PRH1: variants seen among roughly 807,000 people sequenced by gnomAD.
PRH1 encodes proline rich protein HaeIII subfamily 1.
PRH1 carries 7 observed loss-of-function variants against 7.9 expected under a neutral mutation model. The observed-to-expected ratio is 0.89, with a 90% CI of 0.50 to 1.67. The LOEUF is 1.67. Among genes scored for constraint, PRH1 ranks in the 40% most tolerant of loss-of-function variants. The probability of loss-of-function intolerance (pLI) is 0.00; values close to 1 mark genes in which losing one functional copy is unlikely to be tolerated. For missense variants in PRH1, 109 were observed against 223.6 expected (o/e 0.49, Z 3.27); for synonymous variants, 45 against 80.8 (o/e 0.56, Z 2.38).
upstream of PRH1, among the ~76,000 whole-genome samples, chr12:11,052,154 A>T (rs1376571839): frequency 6.6e-6 from 1 of 152,298 alleles, no homozygotes. Flanking sequence ...TAATCCAACA[A>T]GACAATATTG....
chr12:11,068,964 G>A (rs1250384841), intron 1 of PRH1, among the ~76,000 whole-genome samples: 3 of 132,740 alleles, frequency 2.3e-5, no homozygotes, highest in Admixed American at 7.6e-5. Context: ...CTGGAGTGCA[G>A]TGGTTTCGGA....
intron 1 of PRH1, among the ~76,000 whole-genome samples, chr12:11,097,770 G>C (rs1945105998): frequency 8.8e-6 from 1 of 113,724 alleles, no homozygotes; most frequent in South Asian, 2.4e-4. Flanking sequence ...GCAGGTGAAA[G>C]GGAGAATGCT....
chr12:11,043,520 A>T (rs1252193710), intron 1 of PRH1, among the ~76,000 whole-genome samples: 3 of 152,200 alleles, frequency 2.0e-5, no homozygotes, highest in African/African-American at 7.2e-5. Context: ...GTTTTCAAAC[A>T]ATATGATCTT....
chr12:11,127,437 A>C (rs1946172289), intron 1 of PRH1, among the ~76,000 whole-genome samples: 1 of 152,294 alleles, frequency 6.6e-6, no homozygotes, highest in South Asian at 2.1e-4. Flanking sequence ...TAGAATCATG[A>C]CCACTGTTGA....
chr12:10,974,334 G>A (rs1047631084), intron 1 of PRH1, among the ~76,000 whole-genome samples: 2 of 152,160 alleles, frequency 1.3e-5, no homozygotes, highest in African/African-American at 2.4e-5. Context: ...GAACAAGGAT[G>A]AGCCACAATG....
At chr12:11,016,858 A>T (rs1941320809) in intron 1 of PRH1, among the ~76,000 whole-genome samples, 1 of 152,230 alleles carries the variant, frequency 6.6e-6, no homozygotes, top group Admixed American at 6.5e-5. Context: ...TCCACTGGCA[A>T]CAATGATTGA....
intron 1 of PRH1, among the ~76,000 whole-genome samples, chr12:11,009,166 A>C (rs1381866000): frequency 6.6e-6 from 1 of 151,776 alleles, no homozygotes; most frequent in African/African-American, 2.4e-5. Flanking sequence ...AAAAAATATC[A>C]TTTTTAATTT....
chr12:10,882,949 T>C, intron 2 of PRH1, 112 bp downstream of exon 2: 1 of 1,482,554 alleles, frequency 6.7e-7, no homozygotes, highest in Middle Eastern at 1.7e-4. Context: ...TTTGGGGCAT[T>C]GGTATTAGCC....
chr12:11,138,102 T>A (rs924290301), intron 1 of PRH1, among the ~76,000 whole-genome samples: 1 of 152,228 alleles, frequency 6.6e-6, no homozygotes. Flanking sequence ...TAAAAATTCA[T>A]AGCAAAAGTG....
At chr12:11,078,142 T>G in intron 1 of PRH1, 1 of 598,192 alleles carries the variant, frequency 1.7e-6, no homozygotes, top group South Asian at 1.6e-5. Context: ...CTTAACCCAG[T>G]CAATGACATT....
intron 1 of PRH1, among the ~76,000 whole-genome samples, chr12:11,063,565 C>T (rs1591929390): frequency 6.6e-6 from 1 of 151,954 alleles, no homozygotes; most frequent in Non-Finnish European, 1.5e-5. Context: ...AAATGAAATC[C>T]AACAACATGT....
intron 1 of PRH1, among the ~76,000 whole-genome samples, chr12:11,123,994 T>C (rs985265788): frequency 6.6e-6 from 1 of 152,198 alleles, no homozygotes; most frequent in Non-Finnish European, 1.5e-5. Flanking sequence ...ATGTTAGAAA[T>C]GAAAATGGTA....
chr12:10,982,513 T>A (rs1322199535), intron 1 of PRH1, among the ~76,000 whole-genome samples: 1 of 152,182 alleles, frequency 6.6e-6, no homozygotes, highest in African/African-American at 2.4e-5. Flanking sequence ...TCTACACACA[T>A]TGTGGAGGAA....
chr12:11,028,633 A>C (rs1216755901), intron 1 of PRH1, among the ~76,000 whole-genome samples: 1 of 152,260 alleles, frequency 6.6e-6, no homozygotes, highest in African/African-American at 2.4e-5. Context: ...ATAATCAACT[A>C]GAAAATATCA....
At chr12:10,982,769 A>G (rs2135973817) in intron 1 of PRH1, among the ~76,000 whole-genome samples, 1 of 152,352 alleles carries the variant, frequency 6.6e-6, no homozygotes. Flanking sequence ...ACTTCAGCAG[A>G]TTCAAAGACC....
chr12:10,964,462 C>T (rs757675772), intron 2 of PRH1: 58 of 249,240 alleles, frequency 2.3e-4, no homozygotes, highest in Non-Finnish European at 4.3e-4. Flanking sequence ...AGCACTTAAT[C>T]TGACACAAAA....
intron 1 of PRH1, among the ~76,000 whole-genome samples, chr12:11,053,306 T>G (rs776273413): frequency 6.6e-6 from 1 of 152,228 alleles, no homozygotes; most frequent in Non-Finnish European, 1.5e-5. Context: ...ATAGACAAGA[T>G]GTGGGGGAGA....
intron 1 of PRH1, among the ~76,000 whole-genome samples, chr12:11,073,911 T>C (rs1944188721): frequency 1.4e-5 from 2 of 147,138 alleles, no homozygotes; most frequent in African/African-American, 2.5e-5. Context: ...AAAATAAAAA[T>C]GCAAGTGCAG....
upstream of PRH1, chr12:11,048,843 T>G: frequency 1.1e-5 from 3 of 278,178 alleles, no homozygotes; most frequent in Non-Finnish European, 2.2e-5. Flanking sequence ...AAATGAAAAA[T>G]ACCAAGGGCC....
Sources: gnomAD v4.1 joint callset for allele counts (sites outside exome capture counted in the v4.1 genomes callset) on GRCh38, gnomAD v4.1.1 for gene constraint, MANE v1.5 for transcripts, NCBI Gene and HGNC (gene_info 2026-07-23, HGNC 2026-07-21) for gene names.